The following LHX6 variants were observed in gnomAD, a reference collection of about 807,000 sequenced individuals.
The protein encoded by LHX6 is LIM homeobox 6.
A neutral mutation model predicts 47.1 loss-of-function variants in LHX6; 15 were observed. The observed-to-expected ratio is 0.32, with a 90% CI of 0.21 to 0.49. The LOEUF is 0.49. LHX6 is among the 20% of genes least tolerant of loss of function. LHX6 has a pLI of 0.99. For missense variants in LHX6, 404 were observed against 539.6 expected, an observed-to-expected ratio of 0.75 and a Z score of 2.49; for synonymous variants, 242 against 233.5, an observed-to-expected ratio of 1.04 and a Z score of -0.33.
chr9:122,218,371 A>G (rs2118875174), intron 4 of LHX6, among the ~76,000 whole-genome samples: 1 of 152,194 alleles, frequency 6.6e-6, no homozygotes, highest in African/African-American at 2.4e-5. Context: ...AAGCTTGAAA[A>G]TCATAATCAT....
rs1831083358 is a variant in LHX6 at position 122,226,064 on chromosome 9, G to C, written c.461+312C>G. On this transcript the variant is annotated intron_variant, in intron 4 of 9. Transcript: ENST00000394319. The surrounding 1 kb of genome is among the most constrained non-coding windows in gnomAD (Gnocchi z 6.5). ...AATGGGGACCTCAGAGCTCCACCGA[G>C]GCGCTCGAGGTCAGAACTGAAGCCT... 6.6e-6 allele frequency among the ~76,000 whole-genome samples: 1 copy of C among 152,210 alleles called. No individual in the cohort carries two copies. The highest frequency in any genetic ancestry group is 1.5e-5 in the Non-Finnish European group (1 of 68,042).
Position 122,203,806 on chromosome 9 carries a change from A to G in LHX6, c.*954T>C, listed in dbSNP as rs547149567. The G allele has an allele frequency of 1.2e-3, 182 of 152,738 alleles. No homozygotes were observed. Among genetic ancestry groups the G allele is most frequent in the African/African-American group, 4.0e-3 (166 of 41,566 alleles). The allele number at this position is 152,738 out of a possible 1,614,324, so 9.5% of individuals were successfully genotyped here. ...CACTGGGCTCTGTTCCCTCTCCCCT[A>G]TAAGGGATTCCCCTTCCATTGAGAA... On this transcript the variant is annotated 3_prime_UTR_variant, in exon 10 of 10. Transcript: ENST00000394319.
At chr9:122,218,938 G>A (rs1830705310) in intron 4 of LHX6, among the ~76,000 whole-genome samples, 1 of 152,136 alleles carries the variant, frequency 6.6e-6, no homozygotes, top group Non-Finnish European at 1.5e-5. Flanking sequence ...GTTTGTAAAT[G>A]TTTCGTTTCT....
chr9:122,208,393 G>A lies in LHX6; in HGVS notation c.1158+1221C>T, dbSNP rs10985566. Among the ~76,000 whole-genome samples the A allele has an allele frequency of 3.3e-5, 5 of 152,170 alleles. No individual in the cohort carries two copies. In the East Asian group the frequency reaches 9.7e-4, roughly 29 times the overall value. ...TGTCACACTGTATTGTAACTGTTGG[G>A]ATCTGCCTCCCCCTCCAGACTCTGG... is the stretch of plus-strand genomic sequence containing the variant. On this transcript the variant is annotated intron_variant, in intron 9 of 9. Transcript: ENST00000394319.
chr9:122,212,751 G>C (rs1247423940), intron 8 of LHX6, among the ~76,000 whole-genome samples: 5 of 152,116 alleles, frequency 3.3e-5, no homozygotes, highest in African/African-American at 1.2e-4. Context: ...GGACATGCCT[G>C]CTCCCTCCCT....
rs76407578 is a variant in LHX6 at position 122,213,334 on chromosome 9, G to T, written c.1054+272C>A. ...CCAGCCTGTTCTCTCCCCAGTCTCCGGGCACTGGCACATTGTGGGTGCTTT... is the reference window on the plus strand; with the variant it reads ...CCAGCCTGTTCTCTCCCCAGTCTCCTGGCACTGGCACATTGTGGGTGCTTT... On this transcript the variant is annotated intron_variant, in intron 8 of 9. Transcript: ENST00000394319. The surrounding 1 kb of genome is among the most constrained non-coding windows in gnomAD (Gnocchi z 5.5). Among the ~76,000 whole-genome samples the T allele has an allele frequency of 5.5e-3, 844 of 152,164 alleles. 6 individuals carry two copies. The highest frequency in any genetic ancestry group is 0.018 in the African/African-American group (737 of 41,506).
At chr9:122,216,658 C>A (rs1456924057) in intron 5 of LHX6, among the ~76,000 whole-genome samples, 2 of 152,168 alleles carry the variant, frequency 1.3e-5, no homozygotes, top group Non-Finnish European at 2.9e-5. Context: ...AGGACTGGCC[C>A]AAGCCTGGTC....
intron 9 of LHX6, among the ~76,000 whole-genome samples, chr9:122,208,866 C>T (rs1176525574): frequency 1.3e-5 from 2 of 148,314 alleles, no homozygotes; most frequent in African/African-American, 2.5e-5. Context: ...AAGCAAGGTT[C>T]TCATCCAATC....
rs371503306 is a variant in LHX6 at position 122,209,687 on chromosome 9, C to T, written c.1085G>A (p.Arg362Gln). The T allele has an allele frequency of 1.3e-5, 14 of 1,058,110 alleles. No homozygotes were observed. The highest frequency in any genetic ancestry group is 9.3e-5 in the African/African-American group (6 of 64,232). 65.5% of individuals were successfully genotyped at this position (1,058,110 alleles called of 1,614,324 possible). Residue 362 changes from arginine to glutamine, a missense_variant, in exon 9 of 10, where the codon CGG becomes CAG. This residue lies in a region of LHX6 where 127 missense variants were observed against 116.1 expected (regional missense o/e 1.09). Coordinates refer to ENST00000394319, the MANE Select transcript of LHX6 (RefSeq NM_014368.5). ...SQVQCGQVHC[R>Q]LPYTAPPVHL... ...GACGGGGGGTGCGGTGTAAGGCAGCCGGCAGTGCACCTGCCCGCACTGTAC... is the reference window on the plus strand; with the variant it reads ...GACGGGGGGTGCGGTGTAAGGCAGCTGGCAGTGCACCTGCCCGCACTGTAC...
intron 4 of LHX6, among the ~76,000 whole-genome samples, chr9:122,222,225 T>C (rs1249313813): frequency 2.1e-4 from 32 of 152,104 alleles, no homozygotes; most frequent in Non-Finnish European, 1.5e-5. Context: ...CCATGCCCTA[T>C]TGTAGGGCAG....
intron 5 of LHX6, 129 bp downstream of exon 5, chr9:122,216,939 A>T (rs1297977504): frequency 2.7e-6 from 2 of 745,754 alleles, no homozygotes; most frequent in Non-Finnish European, 4.4e-6. Flanking sequence ...CCCCACCCCT[A>T]CGCTGCCTGC....
rs79454592 is a variant in LHX6 at position 122,214,567 on chromosome 9, A to G, written c.683-184T>C. 3.0e-5 allele frequency: 12 copies of G among 393,752 alleles called. No individual in the cohort carries two copies. Among genetic ancestry groups the G allele is most frequent in the African/African-American group, 2.6e-4 (12 of 45,990 alleles). 24.4% of individuals were successfully genotyped at this position (393,752 alleles called of 1,614,324 possible). On this transcript the variant is annotated intron_variant, in intron 5 of 9. Coordinates refer to ENST00000394319, the MANE Select transcript of LHX6 (RefSeq NM_014368.5). The surrounding 1 kb of genome is among the most constrained non-coding windows in gnomAD (Gnocchi z 4.6). ...GGAAGGGGTTTCTGAGCGTCCGCTT[A>G]GTACTGGACACTTCTTACACGACTG...
Position 122,227,041 on chromosome 9 carries a change from G to A in LHX6, c.157-11C>T. 4.1e-6 allele frequency: 6 copies of A among 1,467,972 alleles called. No individual in the cohort carries two copies. Among genetic ancestry groups the A allele is most frequent in the Non-Finnish European group, 5.4e-6 (6 of 1,108,612 alleles). The allele number at this position is 1,467,972 out of a possible 1,614,324, so 90.9% of individuals were successfully genotyped here. A position where few individuals can be genotyped will look rare whatever the true frequency, so the allele number is the denominator to read the frequency against. On this transcript the variant is annotated splice_polypyrimidine_tract_variant and intron_variant, in intron 2 of 9. Coordinates refer to ENST00000394319, the MANE Select transcript of LHX6 (RefSeq NM_014368.5). ...GGCGTCAGACTGAGCCTGCGGCGGG[G>A]GAGAGAAGGAGAGGAGCGCTGATCC...
At chr9:122,228,493 C>CCA (rs1554811479) in intron 1 of LHX6, 164 bp downstream of exon 1, 2 of 1,338,004 alleles carry the variant, frequency 1.5e-6, no homozygotes, top group East Asian at 2.9e-5. Context: ...GCGACCCCCC[C>CCA]CCCCCGCTCG....
Position 122,213,910 on chromosome 9 carries a change from C to T in LHX6, c.879+64G>A. The T allele has an allele frequency of 1.3e-6, 2 of 1,541,292 alleles. No homozygotes were observed. The highest frequency in any genetic ancestry group is 2.3e-5 in the East Asian group (1 of 43,796). ...CACGTGCACGCACCACCCTCCGCGC[C>T]GAGCCCAGCTACGAGCTCCGGGGCG... is the stretch of plus-strand genomic sequence containing the variant. On this transcript the variant is annotated intron_variant, in intron 7 of 9. Coordinates refer to ENST00000394319, the MANE Select transcript of LHX6 (RefSeq NM_014368.5). This position sits in a 1 kb window ranked among gnomAD's most constrained non-coding sequence, Gnocchi z 5.5.
chr9:122,213,952 GC>G lies in LHX6; in HGVS notation c.879+21del, dbSNP rs1381499386. On this transcript the variant is annotated intron_variant, in intron 7 of 9. Transcript: ENST00000394319. The surrounding 1 kb of genome is among the most constrained non-coding windows in gnomAD (Gnocchi z 5.5). The stretch of plus-strand genomic sequence containing the variant: ...TCCGGGGCGTGCCCGCGGTCCCCAG[GC>G]CCCGCCCACCCCCGTCCCACCTGGA... The G allele has an allele frequency of 3.4e-6, 5 of 1,461,852 alleles. No homozygotes were observed. Among genetic ancestry groups the G allele is most frequent in the Non-Finnish European group, 4.7e-6 (5 of 1,055,360 alleles). The allele number at this position is 1,461,852 out of a possible 1,614,324, so 90.6% of individuals were successfully genotyped here.
chr9:122,227,505 A>AGGC (rs1220320765), intron 1 of LHX6, 25 bp from the exon 2 acceptor site: 7 of 1,520,514 alleles, frequency 4.6e-6, no homozygotes, highest in Non-Finnish European at 5.3e-6. Flanking sequence ...GAGGGAACGC[A>AGGC]GGCGGCGGCG....
At chr9:122,221,745 AAC>A (rs1034706449) in intron 4 of LHX6, 55 of 985,408 alleles carry the variant, frequency 5.6e-5, no homozygotes, top group Non-Finnish European at 6.5e-5. Flanking sequence ...CACATCAGAA[AAC>A]ACAGCGGGCG....
intron 9 of LHX6, 22 bp downstream of exon 9, chr9:122,209,592 G>A: frequency 6.2e-7 from 1 of 1,613,744 alleles, no homozygotes; most frequent in Non-Finnish European, 8.5e-7. Flanking sequence ...TGACCCACCA[G>A]ACCCAACCTG....
Sources: gnomAD v4.1 joint callset for allele counts (sites outside exome capture counted in the v4.1 genomes callset) on GRCh38, gnomAD v4.1.1 for gene constraint, gnomAD v4.1.1 regional missense constraint, Gnocchi (gnomAD v3.1) non-coding constraint, MANE v1.5 for transcripts, NCBI Gene and HGNC (gene_info 2026-07-23, HGNC 2026-07-21) for gene names.